MROH1: variants seen among roughly 807,000 people sequenced by gnomAD.
MROH1 encodes maestro heat-like repeat-containing protein family member 1.
MROH1 carries 117 observed loss-of-function variants against 116.5 expected under a neutral mutation model. The observed-to-expected ratio is 1.00, with a 90% CI of 0.86 to 1.17. The LOEUF is 1.17. MROH1 is among the 50% of genes most tolerant of loss of function. MROH1 has a pLI of 0.00. For missense variants in MROH1, 1,873 were observed against 1,338.5 expected (o/e 1.40, Z -6.23); for synonymous variants, 921 against 583.9 (o/e 1.58, Z -8.32).
At chr8:144,165,125 A>ATTTT (rs367590354) in intron 3 of MROH1, among the ~76,000 whole-genome samples, 3 of 145,886 alleles carry the variant, frequency 2.1e-5, no homozygotes, top group East Asian at 2.0e-4. Context: ...CACCCAGCTA[A>ATTTT]TTTTTTTTTT....
chr8:144,166,515 G>C (rs1183541129), intron 3 of MROH1, among the ~76,000 whole-genome samples: 1 of 152,186 alleles, frequency 6.6e-6, no homozygotes, highest in Non-Finnish European at 1.5e-5. Context: ...GGCCAGGATG[G>C]GTGAAGCTCT....
At chr8:144,156,939 C>T (rs1271375901) in intron 1 of MROH1, among the ~76,000 whole-genome samples, 4 of 150,808 alleles carry the variant, frequency 2.7e-5, no homozygotes, top group African/African-American at 4.9e-5. Flanking sequence ...CACACCACCA[C>T]GCCTGGCTAA....
At chr8:144,195,933 TATC>T (rs1310026335) in intron 10 of MROH1, among the ~76,000 whole-genome samples, 1 of 152,198 alleles carries the variant, frequency 6.6e-6, no homozygotes, top group Non-Finnish European at 1.5e-5. Flanking sequence ...ATTTTTACAT[TATC>T]ATTTATCCAT....
At chr8:144,214,441 A>C (rs1834835707) in intron 12 of MROH1, 1 of 152,278 alleles carries the variant, frequency 6.6e-6, no homozygotes, top group African/African-American at 2.4e-5. Flanking sequence ...TAAAGGGCCT[A>C]GCAGGGAGTT....
At position 144,238,931 on chromosome 8, in the gene MROH1, C is replaced by T. The variant is rs963383957; in HGVS notation, c.1446+68C>T. 1.3e-5 allele frequency: 10 copies of T among 768,234 alleles called. No homozygotes were observed. The African/African-American group carries it at 1.7e-4, about 13-fold the overall frequency. The allele number at this position is 768,234 out of a possible 1,614,324, so 47.6% of individuals were successfully genotyped here. A position where few individuals can be genotyped will look rare whatever the true frequency, so the allele number is the denominator to read the frequency against. ...CTCCAGGGCAGTGGCCCAGGGTGCT[C>T]AGGCCCAGCAAAGGGTCTGTCTCCA... On this transcript the variant is annotated intron_variant, in intron 15 of 43. Transcript: ENST00000326134.
intron 14 of MROH1, among the ~76,000 whole-genome samples, chr8:144,227,568 C>T (rs1042393637): frequency 5.3e-5 from 8 of 152,030 alleles, no homozygotes; most frequent in African/African-American, 1.7e-4. Flanking sequence ...TCACTGGAGC[C>T]TGGGAGGCAG....
At position 144,247,620 on chromosome 8, in the gene MROH1, G is replaced by A; in HGVS notation, c.3061G>A (p.Asp1021Asn). 1 of 769,822 alleles carries A rather than the reference G, an allele frequency of 1.3e-6. No homozygotes were observed. Among genetic ancestry groups the A allele is most frequent in the Non-Finnish European group, 2.4e-6 (1 of 416,660 alleles). 47.7% of individuals were successfully genotyped at this position (769,822 alleles called of 1,614,324 possible). The part of the protein sequence containing the change: ...DVAERLLSLK[D>N]GLVHPDPAIL... ...GGCGGAGCGGCTCCTCAGCCTCAAG[G>A]ACGGCCTCGTGCACCCTGACCCCGC... Residue 1021 changes from aspartate (D) to asparagine (N), a missense_variant, in exon 31 of 44, where the codon GAC (aspartate) becomes AAC (asparagine). Asp to Asn is a conservative substitution (Grantham distance 23). Coordinates refer to ENST00000326134, the MANE Select transcript of MROH1 (RefSeq NM_032450.3).
intron 12 of MROH1, among the ~76,000 whole-genome samples, chr8:144,220,257 C>T (rs953750089): frequency 1.3e-5 from 2 of 152,118 alleles, no homozygotes; most frequent in Non-Finnish European, 2.9e-5. Context: ...GAGGACCCTG[C>T]CCCCAGTGCT....
Position 144,255,616 on chromosome 8 carries a change from C to T in MROH1, c.3702C>T (p.Thr1234=), listed in dbSNP as rs910026704. Residue 1234 remains threonine, a synonymous_variant, in exon 35 of 44, where the codon ACC becomes ACT. Coordinates refer to ENST00000326134, the MANE Select transcript of MROH1 (RefSeq NM_032450.3). Reference sequence around the variant, plus strand: ...TGCTTCTGCTGCGCGTCAGCTGCACCGTGGGTGTCCAGCTGCCCCGGAACC... The same window carrying T: ...TGCTTCTGCTGCGCGTCAGCTGCACTGTGGGTGTCCAGCTGCCCCGGAACC... ...FVVLLLRVSC[T]VGVQLPRNLQ... 235 of 777,704 alleles carry T rather than the reference C, an allele frequency of 3.0e-4. No homozygotes were observed. The highest frequency in any genetic ancestry group is 7.6e-4 in the Admixed American group (45 of 58,852). 48.2% of individuals were successfully genotyped at this position (777,704 alleles called of 1,614,324 possible).
Position 144,231,281 on chromosome 8 carries a change from A to T in MROH1, c.1339-7475A>T, listed in dbSNP as rs1192007094. On this transcript the variant is annotated intron_variant, in intron 14 of 43. Transcript: ENST00000326134. ...CCTTTCCCGCCTTTCTATTCCACAA[A>T]GCCGCCATTGTCATCATGGCCCGTT... is the stretch of plus-strand genomic sequence containing the variant. Among the ~76,000 whole-genome samples the T allele has an allele frequency of 3.9e-5, 6 of 151,998 alleles. No homozygotes were observed. The East Asian group carries it at 1.2e-3, about 29-fold the overall frequency.
chr8:144,175,474 A>G (rs1283792480), intron 4 of MROH1: 1 of 985,030 alleles, frequency 1.0e-6, no homozygotes, highest in Non-Finnish European at 1.2e-6. Context: ...CTGATTTTCA[A>G]TTCTTTCCTC....
chr8:144,235,227 C>T (rs947250278), intron 14 of MROH1, among the ~76,000 whole-genome samples: 3 of 152,204 alleles, frequency 2.0e-5, no homozygotes, highest in African/African-American at 7.2e-5. Context: ...ATCTTGTATA[C>T]TGCAACCTTG....
intron 3 of MROH1, among the ~76,000 whole-genome samples, chr8:144,167,837 G>A (rs1821328596): frequency 6.6e-6 from 1 of 152,184 alleles, no homozygotes; most frequent in Non-Finnish European, 1.5e-5. Flanking sequence ...CTATGTGTGG[G>A]CAATGGGGCC....
chr8:144,187,611 A>G (rs1223277304), intron 7 of MROH1, among the ~76,000 whole-genome samples: 3 of 152,236 alleles, frequency 2.0e-5, no homozygotes, highest in Admixed American at 6.5e-5. Context: ...CCTGTGTACT[A>G]GACTCAGAGG....
At chr8:144,176,140 A>G (rs1172528813) in intron 4 of MROH1, among the ~76,000 whole-genome samples, 1 of 152,074 alleles carries the variant, frequency 6.6e-6, no homozygotes, top group African/African-American at 2.4e-5. Flanking sequence ...AGGCGGGTGG[A>G]TAACTTGAGG....
At position 144,163,274 on chromosome 8, in the gene MROH1, TC is replaced by T. The variant is rs1478334633; in HGVS notation, c.-56-495del. Among the ~76,000 whole-genome samples the T allele has an allele frequency of 6.6e-6, 1 of 152,132 alleles. No homozygotes were observed. The highest frequency in any genetic ancestry group is 2.4e-5 in the African/African-American group (1 of 41,428). On this transcript the variant is annotated intron_variant, in intron 2 of 43. Transcript: ENST00000326134. This position sits in a 1 kb window ranked among gnomAD's most constrained non-coding sequence, Gnocchi z 4.4. ...CCTGCAGCCCCTCTGATGACGTAGG[TC>T]CTCAGAAAGCGTGACACAAGACTTG...
chr8:144,160,402 TC>T (rs1364266618), intron 1 of MROH1, among the ~76,000 whole-genome samples: 2 of 152,226 alleles, frequency 1.3e-5, no homozygotes, highest in African/African-American at 2.4e-5. Context: ...CTTCTCCTAA[TC>T]CCTTTGTGTG....
intron 24 of MROH1, 111 bp downstream of exon 24, chr8:144,242,739 G>A: frequency 1.4e-6 from 1 of 707,230 alleles, no homozygotes. Context: ...AGCTTGCTGG[G>A]GCTTCCTGGT....
At chr8:144,148,521 C>T (rs1224211256) in intron 1 of MROH1, 1 of 152,444 alleles carries the variant, frequency 6.6e-6, no homozygotes, top group Non-Finnish European at 1.5e-5. Context: ...ACCGGGGGTC[C>T]TCTCTCCGGG....
Sources: gnomAD v4.1 joint callset for allele counts (sites outside exome capture counted in the v4.1 genomes callset) on GRCh38, gnomAD v4.1.1 for gene constraint, Gnocchi (gnomAD v3.1) non-coding constraint, MANE v1.5 for transcripts, NCBI Gene and HGNC (gene_info 2026-07-23, HGNC 2026-07-21) for gene names.